The following KCNH1 variants were observed in gnomAD, a reference collection of about 807,000 sequenced individuals.
KCNH1 encodes potassium voltage-gated channel subfamily H member 1.
Under a neutral mutation model 69.2 loss-of-function variants are expected in KCNH1, and 27 were observed. The ratio of observed to expected loss-of-function variants is 0.39; its 90% CI spans 0.29 to 0.54. The LOEUF (loss-of-function observed/expected upper bound fraction) is 0.54. KCNH1 is among the 20% of genes least tolerant of loss of function. KCNH1 has a pLI of 0.68. For synonymous variants in KCNH1, 456 were observed against 487.7 expected (o/e 0.93, Z 0.86); for missense variants, 798 against 1,261.6 (o/e 0.63, Z 5.57).
intron 2 of KCNH1, among the ~76,000 whole-genome samples, chr1:211,104,181 T>C (rs557726758): frequency 6.3e-4 from 96 of 152,256 alleles, no homozygotes; most frequent in Admixed American, 1.6e-3. Context: ...GGCAAGATCA[T>C]GGAGGAGACC....
chr1:211,077,480 A>T (rs578234436), intron 5 of KCNH1, among the ~76,000 whole-genome samples: 2 of 152,316 alleles, frequency 1.3e-5, no homozygotes, highest in South Asian at 4.1e-4. Context: ...AATAATTTTC[A>T]ACCCAGAAGT....
chr1:211,095,764 C>A, intron 3 of KCNH1, among the ~76,000 whole-genome samples: 1 of 152,288 alleles, frequency 6.6e-6, no homozygotes, highest in Middle Eastern at 3.4e-3. Context: ...CCCCAGGAAA[C>A]AGAACAATTG....
Position 210,903,520 on chromosome 1 carries a change from A to C in KCNH1, c.1462+16120T>G, listed in dbSNP as rs1574328649. 1.3e-5 allele frequency among the ~76,000 whole-genome samples: 2 copies of C among 152,216 alleles called. 1 individual carries two copies. The highest frequency in any genetic ancestry group is 3.8e-4 in the East Asian group (2 of 5,198). On this transcript the variant is annotated intron_variant, in intron 7 of 10. Transcript: ENST00000271751. ...TATTTCATTATATCAACAAATAGCA[A>C]AATTTTTTTCATGGATATACAGGCT...
intron 6 of KCNH1, among the ~76,000 whole-genome samples, chr1:210,993,346 G>A (rs1159294626): frequency 6.6e-6 from 1 of 152,064 alleles, no homozygotes; most frequent in Non-Finnish European, 1.5e-5. Context: ...TTTCCAATAT[G>A]TGTATAATAA....
At chr1:211,019,770 A>C (rs1349667192) in intron 5 of KCNH1, among the ~76,000 whole-genome samples, 2 of 152,244 alleles carry the variant, frequency 1.3e-5, no homozygotes, top group Non-Finnish European at 2.9e-5. Flanking sequence ...AACAAGTGTT[A>C]ACAAATTTTT....
chr1:210,683,764 G>A lies in KCNH1; in HGVS notation c.2487C>T (p.Gly829=), dbSNP rs776217147. 2.2e-5 allele frequency: 36 copies of A among 1,613,628 alleles called. No individual in the cohort carries two copies. Among genetic ancestry groups the A allele is most frequent in the Middle Eastern group, 1.6e-4 (1 of 6,084 alleles). Reference sequence around the variant, plus strand: ...CCCAGCTTTTGCGCTTGGCACAATCGCCCCCGCCCCCCTTGGGGCCCAGGC... The same window carrying A: ...CCCAGCTTTTGCGCTTGGCACAATCACCCCCGCCCCCCTTGGGGCCCAGGC... ...SECLGPKGGG[G]DCAKRKSWAR... Residue 829 remains glycine (G), a synonymous_variant, in exon 11 of 11, where the codon GGC becomes GGT. Transcript: ENST00000271751. The surrounding 1 kb of genome is among the most constrained non-coding windows in gnomAD (Gnocchi z 5.7).
chr1:210,691,856 A>T (rs565172818), intron 10 of KCNH1, among the ~76,000 whole-genome samples: 1 of 152,344 alleles, frequency 6.6e-6, no homozygotes, highest in South Asian at 2.1e-4. Context: ...CTAGCAACAC[A>T]TGAGCCCAAC....
At chr1:210,847,743 T>C (rs1685591729) in intron 7 of KCNH1, among the ~76,000 whole-genome samples, 1 of 151,242 alleles carries the variant, frequency 6.6e-6, no homozygotes, top group East Asian at 1.9e-4. Context: ...TAATAAAATT[T>C]TAAAAAATAA....
intron 3 of KCNH1, among the ~76,000 whole-genome samples, chr1:211,102,614 G>A (rs1051046508): frequency 3.9e-5 from 6 of 151,924 alleles, no homozygotes; most frequent in African/African-American, 9.7e-5. Flanking sequence ...CTCCAATACC[G>A]CAGACCTGAA....
intron 7 of KCNH1, among the ~76,000 whole-genome samples, chr1:210,826,850 T>A (rs1685041565): frequency 6.6e-6 from 1 of 152,162 alleles, no homozygotes; most frequent in South Asian, 2.1e-4. Context: ...ACCTATCCCC[T>A]CCTATCCAGG....
intron 7 of KCNH1, among the ~76,000 whole-genome samples, chr1:210,826,674 T>G (rs1178481557): frequency 6.6e-6 from 1 of 152,240 alleles, no homozygotes; most frequent in African/African-American, 2.4e-5. Flanking sequence ...ATCTAAGAAG[T>G]ATTTTTCTTC....
intron 5 of KCNH1, among the ~76,000 whole-genome samples, chr1:211,038,208 G>A (rs936452726): frequency 7.9e-5 from 12 of 151,956 alleles, no homozygotes; most frequent in South Asian, 2.1e-4. Context: ...TGATCTGCCC[G>A]CCTCAGCCTC....
chr1:211,050,260 T>TAAAAAAAA (rs747498526), intron 5 of KCNH1, among the ~76,000 whole-genome samples: 1,013 of 58,474 alleles, frequency 0.017, 183 homozygotes, highest in East Asian at 0.041. Context: ...CACACATTCT[T>TAAAAAAAA]AAAAAAAAAA....
chr1:211,063,069 G>C (rs1050375541), intron 5 of KCNH1, among the ~76,000 whole-genome samples: 4 of 152,292 alleles, frequency 2.6e-5, no homozygotes, highest in Middle Eastern at 3.4e-3. Context: ...AGTGTGCATC[G>C]ATGGATGAAT....
rs1038600047 is a variant in KCNH1, at chr1:210,788,697, T to C, written c.1915+8811A>G. Among the ~76,000 whole-genome samples, 23 of 92,086 alleles carry C rather than the reference T, an allele frequency of 2.5e-4. 2 individuals carry two copies. Among genetic ancestry groups the C allele is most frequent in the African/African-American group, 9.3e-4 (22 of 23,546 alleles). 60.4% of individuals were successfully genotyped at this position (92,086 alleles called of 152,430 possible). On this transcript the variant is annotated intron_variant, in intron 9 of 10. Coordinates refer to ENST00000271751, the MANE Select transcript of KCNH1 (RefSeq NM_172362.3). Reference sequence around the variant, plus strand: ...TTATAGCTTCTTTCTTTTTTTTTTTTTTTTTTTTTTTTTTTTTGAGACGGA... The same window carrying C: ...TTATAGCTTCTTTCTTTTTTTTTTTCTTTTTTTTTTTTTTTTTGAGACGGA...
intron 6 of KCNH1, among the ~76,000 whole-genome samples, chr1:210,936,909 T>C (rs1015617588): frequency 2.0e-5 from 3 of 152,118 alleles, no homozygotes; most frequent in Admixed American, 2.0e-4. Context: ...CTTATCCCCA[T>C]CCTACCTAAT....
chr1:210,787,964 G>C (rs1684135023), intron 9 of KCNH1, among the ~76,000 whole-genome samples: 1 of 152,164 alleles, frequency 6.6e-6, no homozygotes, highest in African/African-American at 2.4e-5. Flanking sequence ...TTAAGTTAAA[G>C]CAATGGTTTG....
intron 6 of KCNH1, among the ~76,000 whole-genome samples, chr1:210,987,420 AC>A (rs1336123346): frequency 5.9e-5 from 9 of 151,726 alleles, no homozygotes. Context: ...AGTTTTATCT[AC>A]CTTTGGTCTT....
At chr1:211,039,146 C>A (rs551601954) in intron 5 of KCNH1, among the ~76,000 whole-genome samples, 4 of 152,290 alleles carry the variant, frequency 2.6e-5, no homozygotes, top group Admixed American at 6.5e-5. Context: ...CCAGCTGTGG[C>A]TGAAAGGGGC....
Sources: gnomAD v4.1 joint callset for allele counts (sites outside exome capture counted in the v4.1 genomes callset) on GRCh38, gnomAD v4.1.1 for gene constraint, Gnocchi (gnomAD v3.1) non-coding constraint, MANE v1.5 for transcripts, NCBI Gene and HGNC (gene_info 2026-07-23, HGNC 2026-07-21) for gene names.